SMURF2: variants seen among roughly 807,000 people sequenced by gnomAD.
The protein encoded by SMURF2 is E3 ubiquitin-protein ligase SMURF2.
Under a neutral mutation model 109.6 loss-of-function variants are expected in SMURF2, and 48 were observed. The observed-to-expected ratio is 0.44, with a 90% CI of 0.35 to 0.56. SMURF2 has a LOEUF of 0.56. SMURF2 is among the 20% of genes least tolerant of loss of function. The pLI is 0.01. For synonymous variants in SMURF2, 288 were observed against 317.1 expected, an observed-to-expected ratio of 0.91 and a Z score of 0.97; for missense variants, 575 against 909.0, an observed-to-expected ratio of 0.63 and a Z score of 4.72.
At chr17:64,595,013 C>T (rs1173498735) in intron 3 of SMURF2, among the ~76,000 whole-genome samples, 2 of 151,914 alleles carry the variant, frequency 1.3e-5, no homozygotes, top group African/African-American at 4.8e-5. Context: ...AAAAAAGTTA[C>T]GTTAAACCAG....
At chr17:64,644,404 T>C (rs1970530928) in intron 1 of SMURF2, among the ~76,000 whole-genome samples, 2 of 140,138 alleles carry the variant, frequency 1.4e-5, no homozygotes, top group South Asian at 4.6e-4. Flanking sequence ...TGGCAACACA[T>C]CAGAACCTCA....
intron 16 of SMURF2, among the ~76,000 whole-genome samples, chr17:64,550,350 C>G (rs2144587457): frequency 6.6e-6 from 1 of 152,262 alleles, no homozygotes; most frequent in East Asian, 1.9e-4. Flanking sequence ...AGAATTAAAC[C>G]TCGTGTTTTT....
At chr17:64,623,287 T>A (rs1015006040) in intron 1 of SMURF2, among the ~76,000 whole-genome samples, 5 of 152,222 alleles carry the variant, frequency 3.3e-5, no homozygotes, top group Admixed American at 1.3e-4. Flanking sequence ...TTAAGTTCCA[T>A]GATATCAAGA....
rs554556053 is a variant in SMURF2, at chr17:64,656,796, T to C, written c.52+5033A>G. Among the ~76,000 whole-genome samples the C allele has an allele frequency of 2.3e-4, 35 of 152,338 alleles. 1 individual carries two copies. In the South Asian group the frequency reaches 4.6e-3, roughly 20 times the overall value. On this transcript the variant is annotated intron_variant, in intron 1 of 18. Coordinates refer to ENST00000262435, the MANE Select transcript of SMURF2 (RefSeq NM_022739.4). ...TTGCTGTTGAATCTGCTTAACCAGT[T>C]ATCCTAAAACCAGTCTTCATGGTTC...
intron 9 of SMURF2, 148 bp from the exon 10 acceptor site, chr17:64,572,104 A>T: frequency 1.4e-6 from 1 of 693,124 alleles, no homozygotes; most frequent in Non-Finnish European, 2.2e-6. Flanking sequence ...TTTAATTCCC[A>T]ATGGTTTAAC....
At chr17:64,603,408 C>A (rs1969924133) in intron 2 of SMURF2, among the ~76,000 whole-genome samples, 2 of 151,862 alleles carry the variant, frequency 1.3e-5, no homozygotes, top group Non-Finnish European at 2.9e-5. Context: ...ATGGTGAAAC[C>A]CCGTCTCTAC....
intron 1 of SMURF2, among the ~76,000 whole-genome samples, chr17:64,622,508 A>G (rs1970219687): frequency 6.6e-6 from 1 of 152,028 alleles, no homozygotes; most frequent in Admixed American, 6.6e-5. Context: ...CAGACTTGTT[A>G]TTTATGGCCT....
At chr17:64,596,884 A>G (rs1555688151) in intron 3 of SMURF2, among the ~76,000 whole-genome samples, 1 of 152,134 alleles carries the variant, frequency 6.6e-6, no homozygotes, top group Non-Finnish European at 1.5e-5. Flanking sequence ...ATAGATAACT[A>G]AACAAATGGG....
At chr17:64,567,856 T>A (rs1969336398) in intron 10 of SMURF2, among the ~76,000 whole-genome samples, 2 of 147,700 alleles carry the variant, frequency 1.4e-5, no homozygotes, top group Non-Finnish European at 3.0e-5. Flanking sequence ...CACCTGGCTT[T>A]TTTTTTTTTT....
At position 64,650,491 on chromosome 17, in the gene SMURF2, A is replaced by G. The variant is rs1011097711; in HGVS notation, c.52+11338T>C. Among the ~76,000 whole-genome samples the G allele has an allele frequency of 2.0e-5, 3 of 152,200 alleles. No individual in the cohort carries two copies. In the East Asian group the frequency reaches 5.8e-4, roughly 29 times the overall value. ...CATGGCATAACTAGGATACGAACTCACATTTTCTGCCTCCAATTCTATACT... is the reference window on the plus strand; with the variant it reads ...CATGGCATAACTAGGATACGAACTCGCATTTTCTGCCTCCAATTCTATACT... On this transcript the variant is annotated intron_variant, in intron 1 of 18. Transcript: ENST00000262435.
Position 64,620,868 on chromosome 17 carries a change from G to A in SMURF2, c.53-14228C>T, listed in dbSNP as rs1970191763. Among the ~76,000 whole-genome samples the A allele has an allele frequency of 2.0e-5, 3 of 152,160 alleles. No individual in the cohort carries two copies. The South Asian group carries it at 6.2e-4, about 32-fold the overall frequency. ...AACCACTGACGAGTTATAAGGATGT[G>A]CAAACTAAAAGGTAAAGGATACATG... On this transcript the variant is annotated intron_variant, in intron 1 of 18. Transcript: ENST00000262435.
rs1164717270 is a variant in SMURF2 at position 64,566,561 on chromosome 17, G to GTTTTTTTTTTTTTTTTTTTTT, written c.1017-3616_1017-3596dup. On this transcript the variant is annotated intron_variant, in intron 10 of 18. Coordinates refer to ENST00000262435, the MANE Select transcript of SMURF2 (RefSeq NM_022739.4). ...GATGTAGAAATGCTTAAGCTTTCTG[G>GTTTTTTTTTTTTTTTTTTTTT]TTTTTTTTTTTTTTTTTTTTTTTTT... 1.9e-3 allele frequency among the ~76,000 whole-genome samples: 85 copies of GTTTTTTTTTTTTTTTTTTTTT among 43,802 alleles called. 23 individuals are homozygous for GTTTTTTTTTTTTTTTTTTTTT. The highest frequency in any genetic ancestry group is 2.7e-3 in the Non-Finnish European group (64 of 23,540). The allele number at this position is 43,802 out of a possible 152,430, so 28.7% of individuals were successfully genotyped here. A position where few individuals can be genotyped will look rare whatever the true frequency, so the allele number is the denominator to read the frequency against.
chr17:64,646,060 A>G (rs1259759018), intron 1 of SMURF2, among the ~76,000 whole-genome samples: 1 of 151,056 alleles, frequency 6.6e-6, no homozygotes, highest in East Asian at 1.9e-4. Flanking sequence ...TGACTTCACT[A>G]TTTCTTATAA....
chr17:64,659,035 T>C (rs1568213645), intron 1 of SMURF2, among the ~76,000 whole-genome samples: 4 of 152,190 alleles, frequency 2.6e-5, no homozygotes, highest in Admixed American at 2.0e-4. Flanking sequence ...CATTGACAAA[T>C]ACCAAACAGT....
intron 5 of SMURF2, among the ~76,000 whole-genome samples, chr17:64,587,461 C>T (rs1555687217): frequency 6.6e-6 from 1 of 152,192 alleles, no homozygotes; most frequent in Admixed American, 6.5e-5. Flanking sequence ...TAAATTATAT[C>T]TCTGAAGTCC....
Position 64,592,804 on chromosome 17 carries a change from C to T in SMURF2, c.334+636G>A, listed in dbSNP as rs552738999. On this transcript the variant is annotated intron_variant, in intron 4 of 18. Coordinates refer to ENST00000262435, the MANE Select transcript of SMURF2 (RefSeq NM_022739.4). ...TCAACTTATAAATCCATTATGAAAA[C>T]CACTTCTAATGTCCTGATCTTGGTC... Among the ~76,000 whole-genome samples the T allele has an allele frequency of 2.6e-5, 4 of 152,310 alleles. No individual in the cohort carries two copies. The South Asian group carries it at 8.3e-4, about 32-fold the overall frequency.
chr17:64,580,861 T>A lies in SMURF2; in HGVS notation c.700A>T (p.Arg234Trp). The A allele has an allele frequency of 6.2e-7, 1 of 1,614,194 alleles. No individual in the cohort carries two copies. The highest frequency in any genetic ancestry group is 1.3e-5 in the African/African-American group (1 of 75,058). Residue 234 changes from arginine (R) to tryptophan (W), a missense_variant, in exon 8 of 19, where the codon AGG becomes TGG. Physicochemically the swap from Arg to Trp is moderately radical, Grantham distance 101 (BLOSUM62 -3). Around this residue, in one of 5 missense-constraint regions of SMURF2, gnomAD observed 151 missense variants for 178.4 expected, o/e 0.85. Coordinates refer to ENST00000262435, the MANE Select transcript of SMURF2 (RefSeq NM_022739.4). ...ATGTAATTTCTATGTCGTTGTGACCTGACTCTCCTCTCTGCCAGCCTGGGA... is the reference window on the plus strand; with the variant it reads ...ATGTAATTTCTATGTCGTTGTGACCAGACTCTCCTCTCTGCCAGCCTGGGA... ...SDPRLAERRV[R>W]SQRHRNYMSR...
Position 64,613,380 on chromosome 17 carries a change from A to G in SMURF2, c.53-6740T>C, listed in dbSNP as rs150045531. 4.2e-3 allele frequency among the ~76,000 whole-genome samples: 646 copies of G among 152,336 alleles called. 4 individuals carry two copies. The highest frequency in any genetic ancestry group is 0.014 in the African/African-American group (601 of 41,570). On this transcript the variant is annotated intron_variant, in intron 1 of 18. Coordinates refer to ENST00000262435, the MANE Select transcript of SMURF2 (RefSeq NM_022739.4). ...TTTTATATTAGGAGAAAATTAATCT[A>G]TCATCTTTTGTAATAGAAACTATGG...
At chr17:64,554,388 G>A (rs1969089117) in intron 15 of SMURF2, among the ~76,000 whole-genome samples, 1 of 152,212 alleles carries the variant, frequency 6.6e-6, no homozygotes, top group Non-Finnish European at 1.5e-5. Flanking sequence ...TAAGAAGTCT[G>A]GCTATCTTGT....
Sources: allele counts gnomAD v4.1 joint callset (sites outside exome capture counted in the v4.1 genomes callset), GRCh38; gene constraint gnomAD v4.1.1; regional missense constraint gnomAD v4.1.1; transcripts MANE v1.5; gene names NCBI Gene and HGNC (gene_info 2026-07-23, HGNC 2026-07-21).